The following PDE5A variants were observed in gnomAD, a reference collection of about 807,000 sequenced individuals.
PDE5A encodes phosphodiesterase 5A.
Under a neutral mutation model 110.2 loss-of-function variants are expected in PDE5A, and 67 were observed. The observed-to-expected ratio is 0.61, with a 90% CI of 0.50 to 0.75. The LOEUF (loss-of-function observed/expected upper bound fraction) is 0.75, where lower values mean the gene tolerates loss of function less well. PDE5A is among the 30% of genes least tolerant of loss of function. The pLI, the probability that PDE5A is intolerant of heterozygous loss-of-function variation, is 0.00. For missense variants in PDE5A, 862 were observed against 1,045.1 expected, an observed-to-expected ratio of 0.82 and a Z score of 2.42; for synonymous variants, 328 against 351.2, an observed-to-expected ratio of 0.93 and a Z score of 0.74.
chr4:119,545,686 AC>A (rs1272069671), intron 9 of PDE5A, among the ~76,000 whole-genome samples: 1 of 152,196 alleles, frequency 6.6e-6, no homozygotes, highest in African/African-American at 2.4e-5. Flanking sequence ...CTAAAATTAA[AC>A]AGTTATATTT....
intron 3 of PDE5A, among the ~76,000 whole-genome samples, chr4:119,594,361 G>A (rs991719490): frequency 6.6e-6 from 1 of 152,070 alleles, no homozygotes; most frequent in African/African-American, 2.4e-5. Flanking sequence ...TCCCTTTGCC[G>A]GTACAAAGCT....
chr4:119,507,149 C>A (rs554110308), intron 16 of PDE5A, among the ~76,000 whole-genome samples: 1 of 151,882 alleles, frequency 6.6e-6, no homozygotes, highest in Non-Finnish European at 1.5e-5. Context: ...CATAAATATT[C>A]TTCTCCTGCC....
intron 13 of PDE5A, 111 bp downstream of exon 13, chr4:119,520,824 A>T: frequency 1.1e-6 from 1 of 904,910 alleles, no homozygotes; most frequent in Admixed American, 2.8e-5. Flanking sequence ...AGTGGCAGCA[A>T]ATATTATTTT....
Position 119,606,706 on chromosome 4 carries a change from T to G in PDE5A, c.741+3A>C. On this transcript the variant is annotated splice_donor_region_variant and intron_variant, in intron 2 of 20. Transcript: ENST00000354960. ...GGTCCTGCTCTCATGCTCCCCTGTT[T>G]ACCTCATATGCATCTTTGATGTTCA... is the stretch of plus-strand genomic sequence containing the variant. 1 of 1,610,286 alleles carries G rather than the reference T, an allele frequency of 6.2e-7. No homozygotes were observed. The highest frequency in any genetic ancestry group is 1.3e-5 in the African/African-American group (1 of 74,966).
At chr4:119,531,201 T>C (rs2715016) in intron 11 of PDE5A, among the ~76,000 whole-genome samples, 69,038 of 152,042 alleles carry the variant, frequency 0.45, 16,011 homozygotes, top group South Asian at 0.59. Flanking sequence ...GCTTACAAAA[T>C]ATGACATATT....
intron 2 of PDE5A, among the ~76,000 whole-genome samples, chr4:119,597,129 C>A (rs1360881075): frequency 1.3e-5 from 2 of 152,004 alleles, no homozygotes; most frequent in Non-Finnish European, 2.9e-5. Flanking sequence ...GTAAACAATC[C>A]TTTAATCTTT....
At chr4:119,621,839 A>G (rs1354441380) in intron 1 of PDE5A, among the ~76,000 whole-genome samples, 1 of 152,220 alleles carries the variant, frequency 6.6e-6, no homozygotes, top group Non-Finnish European at 1.5e-5. Flanking sequence ...AATCAAAAAG[A>G]ATGTCTTTCT....
chr4:119,606,670 T>C, intron 2 of PDE5A, 39 bp downstream of exon 2: 1 of 1,468,850 alleles, frequency 6.8e-7, no homozygotes, highest in Non-Finnish European at 9.5e-7. Flanking sequence ...CATAGTCCCC[T>C]CCCCAGCACT....
At chr4:119,572,459 C>A (rs2110513493) in intron 3 of PDE5A, among the ~76,000 whole-genome samples, 1 of 152,284 alleles carries the variant, frequency 6.6e-6, no homozygotes, top group Non-Finnish European at 1.5e-5. Context: ...CCATCCATAT[C>A]TGAGAACTTT....
At chr4:119,560,415 CT>C (rs747145446) in intron 6 of PDE5A, 52 bp from the exon 7 acceptor site, 41 of 1,168,656 alleles carry the variant, frequency 3.5e-5, no homozygotes, top group Non-Finnish European at 4.6e-5. Context: ...GTAATGAAAA[CT>C]ATCTAGATAC....
Position 119,596,530 on chromosome 4 carries a change from C to A in PDE5A, c.824G>T (p.Arg275Met). ...SILCMPIKNHREEVVGVAQAI... is the reference protein window; with the variant it reads ...SILCMPIKNHMEEVVGVAQAI... Reference sequence around the variant, plus strand: ...AATGGAAAATTGGCTTACCTCTTCCCTATGATTCTTAATTGGCATACAAAG... The same window carrying A: ...AATGGAAAATTGGCTTACCTCTTCCATATGATTCTTAATTGGCATACAAAG... The change falls in exon 3 of 21, where the codon AGG becomes ATG. Residue 275 changes from arginine to methionine, a missense_variant. By Grantham distance (91) the Arg-to-Met change is moderately conservative. Transcript: ENST00000354960. 6.3e-7 allele frequency: 1 copy of A among 1,578,454 alleles called. No homozygotes were observed. The highest frequency in any genetic ancestry group is 1.4e-5 in the African/African-American group (1 of 74,004).
chr4:119,519,863 T>C (rs1167871235), intron 13 of PDE5A, among the ~76,000 whole-genome samples: 1 of 152,174 alleles, frequency 6.6e-6, no homozygotes, highest in Non-Finnish European at 1.5e-5. Context: ...TAAGTTTACA[T>C]GATTTCTTAC....
At chr4:119,556,322 G>C (rs10003668) in intron 7 of PDE5A, among the ~76,000 whole-genome samples, 3,439 of 152,236 alleles carry the variant, frequency 0.023, 132 homozygotes, top group African/African-American at 0.078. Context: ...GATACATGCT[G>C]TCTGTCCCTT....
intron 11 of PDE5A, among the ~76,000 whole-genome samples, chr4:119,538,221 A>T (rs888949969): frequency 2.6e-5 from 4 of 152,144 alleles, no homozygotes; most frequent in African/African-American, 9.7e-5. Flanking sequence ...ATAAGGGCAC[A>T]AAGAGTTTAG....
rs186662450 is a variant in PDE5A at position 119,497,009 on chromosome 4, C to T, written c.*1592G>A. 6.6e-6 allele frequency: 1 copy of T among 152,106 alleles called. No homozygotes were observed. Among genetic ancestry groups the T allele is most frequent in the East Asian group, 1.9e-4 (1 of 5,178 alleles). The allele number at this position is 152,106 out of a possible 1,614,324, so 9.4% of individuals were successfully genotyped here. ...TTATGTCAAGATATTTGTACACACT[C>T]AGAATTTTAAAAACTTAAGGAACAT... On this transcript the variant is annotated 3_prime_UTR_variant, in exon 21 of 21. Transcript: ENST00000354960.
At chr4:119,502,695 A>AT in intron 18 of PDE5A, 40 bp from the exon 19 acceptor site, 1 of 1,302,526 alleles carries the variant, frequency 7.7e-7, no homozygotes, top group Non-Finnish European at 1.1e-6. Context: ...AATGAAAAGC[A>AT]TATCATTCTT....
In PDE5A at chr4:119,565,100, T is replaced by A. The variant is rs78407073; in HGVS notation, c.993+221A>T. ...AATGGCAAGTAACGTGTGGTGTAAG[T>A]CAAATAAATTCTCATCTCCCAAGTT... is the stretch of plus-strand genomic sequence containing the variant. On this transcript the variant is annotated intron_variant, in intron 5 of 20. Coordinates refer to ENST00000354960, the MANE Select transcript of PDE5A (RefSeq NM_001083.4). Among the ~76,000 whole-genome samples, 583 of 152,200 alleles carry A rather than the reference T, an allele frequency of 3.8e-3. 26 individuals are homozygous for A. In the East Asian group the frequency reaches 0.092, roughly 24 times the overall value.
chr4:119,621,111 A>T (rs1037887091), intron 1 of PDE5A, among the ~76,000 whole-genome samples: 2 of 152,224 alleles, frequency 1.3e-5, no homozygotes, highest in Non-Finnish European at 2.9e-5. Flanking sequence ...AAATGTTGTA[A>T]CTATGATTAA....
At chr4:119,507,456 G>A in intron 16 of PDE5A, 148 bp downstream of exon 16, 1 of 559,048 alleles carries the variant, frequency 1.8e-6, no homozygotes, top group Non-Finnish European at 3.1e-6. Flanking sequence ...AGACTTTTCT[G>A]GCTACCCTTT....
Sources: allele counts gnomAD v4.1 joint callset (sites outside exome capture counted in the v4.1 genomes callset), GRCh38; gene constraint gnomAD v4.1.1; transcripts MANE v1.5; gene names NCBI Gene and HGNC (gene_info 2026-07-23, HGNC 2026-07-21).